PARP12: variants seen among roughly 807,000 people sequenced by gnomAD.
The protein encoded by PARP12 is protein mono-ADP-ribosyltransferase PARP12.
A neutral mutation model predicts 72.4 loss-of-function variants in PARP12; 59 were observed. The observed-to-expected ratio is 0.81, with a 90% CI of 0.66 to 1.01. The LOEUF is 1.01. Ranked by LOEUF, PARP12 falls within the 50% of genes least tolerant of loss-of-function variation. The pLI is 0.00. For synonymous variants in PARP12, 403 were observed against 371.4 expected, an observed-to-expected ratio of 1.09 and a Z score of -0.98; for missense variants, 851 against 914.0, an observed-to-expected ratio of 0.93 and a Z score of 0.89.
At chr7:140,057,359 T>G in intron 2 of PARP12, 1 of 597,024 alleles carries the variant, frequency 1.7e-6, no homozygotes, top group South Asian at 2.1e-5. Flanking sequence ...GAAAGGAGAC[T>G]GCACAGAATC....
chr7:140,028,816 G>T, intron 8 of PARP12, 128 bp from the exon 9 acceptor site: 1 of 732,030 alleles, frequency 1.4e-6, no homozygotes, highest in Non-Finnish European at 2.2e-6. Context: ...AGAGCAGGTA[G>T]AAGGCAAGGA....
intron 6 of PARP12, among the ~76,000 whole-genome samples, chr7:140,038,792 G>A (rs1322189367): frequency 6.6e-6 from 1 of 152,144 alleles, no homozygotes; most frequent in African/African-American, 2.4e-5. Flanking sequence ...AGCTTTAGGT[G>A]TTACTAACAG....
At chr7:140,045,320 G>T (rs1039980512) in intron 5 of PARP12, among the ~76,000 whole-genome samples, 5 of 152,180 alleles carry the variant, frequency 3.3e-5, no homozygotes, top group African/African-American at 1.2e-4. Context: ...GGTATGAGCT[G>T]CTGCGCTCGA....
chr7:140,041,525 C>G, intron 6 of PARP12, 119 bp downstream of exon 6: 2 of 1,003,702 alleles, frequency 2.0e-6, no homozygotes, highest in East Asian at 4.9e-5. Flanking sequence ...GCCACACTGG[C>G]ACCTGGGGAT....
In PARP12 at chr7:140,025,007, C is replaced by T; in HGVS notation, c.1781-122G>A. ...GCCTCTACTCTTCCACCCCGCATCT[C>T]CCTCCCTCCCTCTGTGCCATGTCTC... On this transcript the variant is annotated intron_variant, in intron 11 of 11. Coordinates refer to ENST00000263549, the MANE Select transcript of PARP12 (RefSeq NM_022750.4). 5 of 786,100 alleles carry T rather than the reference C, an allele frequency of 6.4e-6. No individual in the cohort carries two copies. In the South Asian group the frequency reaches 8.6e-5, roughly 14 times the overall value. 48.7% of individuals were successfully genotyped at this position (786,100 alleles called of 1,614,324 possible). A position where few individuals can be genotyped will look rare whatever the true frequency, so the allele number is the denominator to read the frequency against.
intron 6 of PARP12, among the ~76,000 whole-genome samples, chr7:140,040,209 C>T (rs1288825584): frequency 6.6e-6 from 1 of 152,214 alleles, no homozygotes. Context: ...ATTGGGCAGT[C>T]ATCCTCTCCC....
intron 8 of PARP12, among the ~76,000 whole-genome samples, chr7:140,032,862 G>A (rs1340714520): frequency 1.3e-5 from 2 of 152,130 alleles, no homozygotes; most frequent in African/African-American, 4.8e-5. Flanking sequence ...GAGATAACAG[G>A]GAGGAAGTTA....
chr7:140,034,005 C>T (rs1816043777), intron 8 of PARP12: 4 of 1,143,036 alleles, frequency 3.5e-6, no homozygotes, highest in Non-Finnish European at 4.3e-6. Context: ...AGAGAATCAT[C>T]GCAGATCACA....
Position 140,024,607 on chromosome 7 carries a change from G to A in PARP12, c.2059C>T (p.Pro687Ser). ...GAGCCCAAGGCCAGCAGGATGGAGGGTGTGACCGAGGGCTTGGAGGAGGTG... is the reference window on the plus strand; with the variant it reads ...GAGCCCAAGGCCAGCAGGATGGAGGATGTGACCGAGGGCTTGGAGGAGGTG... ...YTTSSKPSVT[P>S]SILLALGSLF... The change falls in exon 12 of 12, where the codon CCC (proline) becomes TCC (serine). Residue 687 changes from proline to serine, a missense_variant. Physicochemically the swap from Pro to Ser is moderately conservative, Grantham distance 74. This residue lies in a region of PARP12 where 347 missense variants were observed against 396.1 expected (regional missense o/e 0.88). Coordinates refer to ENST00000263549, the MANE Select transcript of PARP12 (RefSeq NM_022750.4). The A allele has an allele frequency of 6.2e-7, 1 of 1,614,222 alleles. No individual in the cohort carries two copies. Among genetic ancestry groups the A allele is most frequent in the East Asian group, 2.2e-5 (1 of 44,882 alleles).
intron 8 of PARP12, among the ~76,000 whole-genome samples, chr7:140,031,241 C>T (rs763103799): frequency 1.3e-5 from 2 of 151,972 alleles, no homozygotes; most frequent in South Asian, 4.1e-4. Context: ...GGCATGGTGG[C>T]GCATGCCTGT....
chr7:140,029,312 AAATT>A (rs1367068091), intron 8 of PARP12, among the ~76,000 whole-genome samples: 2 of 152,378 alleles, frequency 1.3e-5, no homozygotes, highest in African/African-American at 4.8e-5. Flanking sequence ...ATCTTTCTAA[AAATT>A]AAATAAAAGC....
At chr7:140,051,283 C>T (rs1816947195) in intron 4 of PARP12, among the ~76,000 whole-genome samples, 1 of 152,148 alleles carries the variant, frequency 6.6e-6, no homozygotes, top group Non-Finnish European at 1.5e-5. Flanking sequence ...ACGATACCAG[C>T]CATTTAGTCC....
chr7:140,051,216 A>C (rs1392802179), intron 4 of PARP12, among the ~76,000 whole-genome samples: 1 of 152,214 alleles, frequency 6.6e-6, no homozygotes, highest in Admixed American at 6.5e-5. Flanking sequence ...AAGATAAAAA[A>C]TATAAACTTT....
chr7:140,034,868 C>T (rs1816086969), intron 7 of PARP12: 2 of 153,306 alleles, frequency 1.3e-5, no homozygotes, highest in South Asian at 4.1e-4. Flanking sequence ...GGAACTGGCC[C>T]CTCAAGTTGA....
In PARP12 at chr7:140,061,983, C is replaced by CGGG. The variant is rs34674660; in HGVS notation, c.326+536_326+538dup. ...AAATGCCCAGGCTCCCAGAAATGCC[C>CGGG]GGGGGGGGGGGGGTGTTCCAGTCAC... On this transcript the variant is annotated intron_variant, in intron 1 of 11. Transcript: ENST00000263549. 4.6e-3 allele frequency among the ~76,000 whole-genome samples: 410 copies of CGGG among 89,778 alleles called. 6 individuals are homozygous for CGGG. The highest frequency in any genetic ancestry group is 0.015 in the South Asian group (27 of 1,858). 58.9% of individuals were successfully genotyped at this position (89,778 alleles called of 152,430 possible). A position where few individuals can be genotyped will look rare whatever the true frequency, so the allele number is the denominator to read the frequency against.
intron 3 of PARP12, among the ~76,000 whole-genome samples, chr7:140,055,222 G>A (rs1012740892): frequency 6.6e-6 from 1 of 152,202 alleles, no homozygotes; most frequent in South Asian, 2.1e-4. Flanking sequence ...AGGGCAAACA[G>A]AGGGCTAATT....
intron 4 of PARP12, among the ~76,000 whole-genome samples, chr7:140,049,486 T>C (rs1816875226): frequency 2.0e-5 from 3 of 152,108 alleles, no homozygotes; most frequent in Admixed American, 2.0e-4. Flanking sequence ...TGATCAGGGA[T>C]GAGAGCAGAA....
chr7:140,035,032 C>T (rs1178876411), intron 7 of PARP12, among the ~76,000 whole-genome samples: 3 of 152,158 alleles, frequency 2.0e-5, no homozygotes, highest in Non-Finnish European at 4.4e-5. Flanking sequence ...ACCTCAGCCT[C>T]CCAAGTAGCT....
intron 5 of PARP12, among the ~76,000 whole-genome samples, chr7:140,042,726 C>T (rs1467565759): frequency 6.6e-6 from 1 of 152,186 alleles, no homozygotes; most frequent in African/African-American, 2.4e-5. Flanking sequence ...AATGTTGGTT[C>T]TGGATAAAGG....
Sources: gnomAD v4.1 joint callset for allele counts (sites outside exome capture counted in the v4.1 genomes callset) on GRCh38, gnomAD v4.1.1 for gene constraint, gnomAD v4.1.1 regional missense constraint, MANE v1.5 for transcripts, NCBI Gene and HGNC (gene_info 2026-07-23, HGNC 2026-07-21) for gene names.